The following PRLR variants were observed in gnomAD, a reference collection of about 807,000 sequenced individuals.
PRLR encodes prolactin receptor.
PRLR carries 13 observed loss-of-function variants against 40.2 expected under a neutral mutation model. The observed-to-expected ratio is 0.32, with a 90% CI of 0.21 to 0.51. The LOEUF is 0.51. PRLR is among the 20% of genes least tolerant of loss of function. The pLI, the probability that PRLR is intolerant of heterozygous loss-of-function variation, is 0.97. For synonymous variants in PRLR, 269 were observed against 278.7 expected, an observed-to-expected ratio of 0.97 and a Z score of 0.35; for missense variants, 656 against 747.3, an observed-to-expected ratio of 0.88 and a Z score of 1.42.
Position 35,065,727 on chromosome 5 carries a change from A to G in PRLR, c.1231T>C (p.Ser411Pro). Residue 411 changes from serine (S) to proline (P), a missense_variant, in exon 10 of 10, where the codon TCC (serine) becomes CCC (proline). Physicochemically the swap from Ser to Pro is moderately conservative, Grantham distance 74. Around this residue, in one of 3 missense-constraint regions of PRLR, gnomAD observed 469 missense variants for 491.5 expected, o/e 0.95. Transcript: ENST00000618457. ...GKIPYFHAGGSKCSTWPLPQP... is the reference protein window; with the variant it reads ...GKIPYFHAGGPKCSTWPLPQP... ...GGTAAGGGCCATGTTGAACATTTGG[A>G]TCCACCAGCATGAAAATAGGGGATT... The G allele has an allele frequency of 6.2e-7, 1 of 1,614,032 alleles. No homozygotes were observed. Among genetic ancestry groups the G allele is most frequent in the Non-Finnish European group, 8.5e-7 (1 of 1,179,996 alleles).
chr5:35,065,294 T>C lies in PRLR; in HGVS notation c.1664A>G (p.Asn555Ser). Residue 555 changes from asparagine to serine, a missense_variant, in exon 10 of 10, where the codon AAC becomes AGC. Around this residue, in one of 3 missense-constraint regions of PRLR, gnomAD observed 469 missense variants for 491.5 expected, o/e 0.95. Coordinates refer to ENST00000618457, the MANE Select transcript of PRLR (RefSeq NM_000949.7). ...EYAKVSGVMD[N>S]NILVLVPDPH... ...ATCTGGCACCAACACCAGGATGTTG[T>C]TATCCATGACCCCGGACACCTTGGC... 1 of 1,614,156 alleles carries C rather than the reference T, an allele frequency of 6.2e-7. No individual in the cohort carries two copies. Among genetic ancestry groups the C allele is most frequent in the Non-Finnish European group, 8.5e-7 (1 of 1,180,006 alleles).
intron 5 of PRLR, among the ~76,000 whole-genome samples, chr5:35,078,826 C>T (rs912186481): frequency 9.9e-5 from 15 of 152,116 alleles, no homozygotes; most frequent in Non-Finnish European, 1.6e-4. Flanking sequence ...ACTGGCAAAC[C>T]GAATCCAGCA....
chr5:35,144,527 C>G (rs1774121533), intron 1 of PRLR, among the ~76,000 whole-genome samples: 3 of 152,170 alleles, frequency 2.0e-5, no homozygotes, highest in African/African-American at 7.2e-5. Flanking sequence ...AATCTCGGCT[C>G]ACTGCAACCT....
At chr5:35,114,268 T>A (rs1772875686) in intron 2 of PRLR, among the ~76,000 whole-genome samples, 1 of 152,216 alleles carries the variant, frequency 6.6e-6, no homozygotes, top group Non-Finnish European at 1.5e-5. Context: ...CCACATTGAA[T>A]TTGGCATGTC....
intron 1 of PRLR, among the ~76,000 whole-genome samples, chr5:35,122,298 T>C (rs565114086): frequency 3.3e-5 from 5 of 152,242 alleles, no homozygotes; most frequent in African/African-American, 1.2e-4. Context: ...GTTTGTTACA[T>C]AGGTAAACAT....
At chr5:35,137,454 C>T (rs570824198) in intron 1 of PRLR, among the ~76,000 whole-genome samples, 1 of 152,282 alleles carries the variant, frequency 6.6e-6, no homozygotes, top group South Asian at 2.1e-4. Context: ...GGCCTCCTGT[C>T]CTTTGTGGAC....
chr5:35,215,372 A>G (rs567449857), intron 1 of PRLR, among the ~76,000 whole-genome samples: 29 of 152,308 alleles, frequency 1.9e-4, no homozygotes, highest in South Asian at 4.1e-4. Flanking sequence ...CCACATCCTT[A>G]GCATTTTACC....
At chr5:35,165,643 G>A (rs752286586) in intron 1 of PRLR, among the ~76,000 whole-genome samples, 1 of 152,144 alleles carries the variant, frequency 6.6e-6, no homozygotes, top group Non-Finnish European at 1.5e-5. Flanking sequence ...AGTGATTCGG[G>A]CTTATTTACA....
chr5:35,139,284 G>A (rs1001594102), intron 1 of PRLR, among the ~76,000 whole-genome samples: 7 of 151,922 alleles, frequency 4.6e-5, no homozygotes, highest in South Asian at 2.1e-4. Flanking sequence ...ACAGTCGTGC[G>A]CCACCACACC....
At chr5:35,174,007 G>A (rs570693195) in intron 1 of PRLR, among the ~76,000 whole-genome samples, 2 of 151,300 alleles carry the variant, frequency 1.3e-5, no homozygotes, top group East Asian at 1.9e-4. Context: ...AACAGGCCCC[G>A]GTGTGTGATG....
At chr5:35,157,679 C>T (rs984956449) in intron 1 of PRLR, among the ~76,000 whole-genome samples, 3 of 152,116 alleles carry the variant, frequency 2.0e-5, no homozygotes, top group African/African-American at 7.2e-5. Flanking sequence ...CACACATACC[C>T]TCATCCCCTC....
At chr5:35,117,225 C>A (rs1773078725) in intron 2 of PRLR, among the ~76,000 whole-genome samples, 1 of 152,206 alleles carries the variant, frequency 6.6e-6, no homozygotes, top group Non-Finnish European at 1.5e-5. Context: ...TGATGGCTCT[C>A]AAGGGGCTAT....
At chr5:35,117,490 G>GA (rs930787249) in intron 2 of PRLR, among the ~76,000 whole-genome samples, 1 of 152,128 alleles carries the variant, frequency 6.6e-6, no homozygotes, top group African/African-American at 2.4e-5. Flanking sequence ...CTGTAAAATG[G>GA]AGTCGTAATA....
intron 6 of PRLR, among the ~76,000 whole-genome samples, chr5:35,071,533 G>T (rs777444344): frequency 2.0e-5 from 3 of 152,138 alleles, no homozygotes; most frequent in African/African-American, 7.2e-5. Flanking sequence ...TGTAAAGATG[G>T]AATATTGTAC....
intron 1 of PRLR, among the ~76,000 whole-genome samples, chr5:35,157,072 T>G (rs568186919): frequency 1.3e-5 from 2 of 152,000 alleles, no homozygotes; most frequent in East Asian, 4.0e-4. Flanking sequence ...AAAGATGCAA[T>G]GAGATATCTT....
downstream of PRLR, among the ~76,000 whole-genome samples, chr5:35,052,859 T>G (rs1245310267): frequency 6.6e-6 from 1 of 152,188 alleles, no homozygotes; most frequent in Non-Finnish European, 1.5e-5. Context: ...GGTCCAATCA[T>G]TTTCCTACAA....
intron 2 of PRLR, among the ~76,000 whole-genome samples, chr5:35,105,453 C>A (rs1273706987): frequency 6.6e-6 from 1 of 152,074 alleles, no homozygotes; most frequent in African/African-American, 2.4e-5. Flanking sequence ...GTGTTCAAAC[C>A]CATCGCAAAG....
chr5:35,080,408 G>T (rs966173311), intron 5 of PRLR, among the ~76,000 whole-genome samples: 1 of 152,148 alleles, frequency 6.6e-6, no homozygotes, highest in Admixed American at 6.6e-5. Context: ...CTCAAAAGAA[G>T]ACATTTATGC....
intron 9 of PRLR, 123 bp from the exon 10 acceptor site, chr5:35,066,225 T>C: frequency 1.0e-6 from 1 of 1,001,676 alleles, no homozygotes. Flanking sequence ...CTTCAGACAT[T>C]TGTGTGCCAG....
Sources: gnomAD v4.1 joint callset for allele counts (sites outside exome capture counted in the v4.1 genomes callset) on GRCh38, gnomAD v4.1.1 for gene constraint, gnomAD v4.1.1 regional missense constraint, MANE v1.5 for transcripts, NCBI Gene and HGNC (gene_info 2026-07-23, HGNC 2026-07-21) for gene names.